Variants in CCDC3 observed in about 807,000 individuals in gnomAD.
CCDC3 encodes the protein coiled-coil domain containing 3.
CCDC3 carries 24 observed loss-of-function variants against 21.4 expected under a neutral mutation model. The observed-to-expected ratio is 1.12, with a 90% confidence interval of 0.81 to 1.58. The LOEUF (loss-of-function observed/expected upper bound fraction) is 1.58. Among genes scored for constraint, CCDC3 ranks in the 40% most tolerant of loss-of-function variants. The probability of loss-of-function intolerance (pLI) is 0.00; values close to 1 mark genes in which losing one functional copy is unlikely to be tolerated. For missense variants in CCDC3, 425 were observed against 360.9 expected (o/e 1.18, Z -1.44); for synonymous variants, 186 against 166.0 (o/e 1.12, Z -0.93).
chr10:13,089,304 ATTTC>A (rs1255483339), intron 3 of CCDC3, among the ~76,000 whole-genome samples: 3 of 143,804 alleles, frequency 2.1e-5, no homozygotes, highest in East Asian at 4.4e-4. Context: ...GTAAGTGAAC[ATTTC>A]TTTATGTTTA....
At chr10:12,903,050 G>T (rs902941035) in intron 2 of CCDC3, among the ~76,000 whole-genome samples, 5 of 152,186 alleles carry the variant, frequency 3.3e-5, no homozygotes, top group Non-Finnish European at 4.4e-5. Flanking sequence ...TATGGGTAGG[G>T]TTTCAGTAGG....
intron 3 of CCDC3, among the ~76,000 whole-genome samples, chr10:13,090,294 T>A (rs1203256419): frequency 3.9e-5 from 6 of 152,040 alleles, no homozygotes; most frequent in Admixed American, 6.5e-5. Flanking sequence ...TTTCACCATG[T>A]TGGCCAGATT....
In CCDC3 at chr10:12,931,722, G is replaced by C. The variant is rs948623868; in HGVS notation, c.550-33043C>G. ...TAATATTTTCTGCTTAAAATATGTA[G>C]ACTCATTACTGTTTTCTATAACAGA... On this transcript the variant is annotated intron_variant, in intron 2 of 2. Coordinates refer to ENST00000378825, the MANE Select transcript of CCDC3 (RefSeq NM_031455.4). 7.2e-5 allele frequency among the ~76,000 whole-genome samples: 11 copies of C among 152,270 alleles called. No homozygotes were observed. The East Asian group carries it at 1.2e-3, about 16-fold the overall frequency.
intron 5 of CCDC3, among the ~76,000 whole-genome samples, chr10:13,037,708 T>G (rs1836395303): frequency 6.6e-6 from 1 of 152,150 alleles, no homozygotes; most frequent in African/African-American, 2.4e-5. Context: ...ATGTCTATAA[T>G]CCCGGCACTT....
At chr10:12,949,435 G>A (rs1268793785) in intron 2 of CCDC3, among the ~76,000 whole-genome samples, 2 of 152,180 alleles carry the variant, frequency 1.3e-5, no homozygotes, top group Non-Finnish European at 2.9e-5. Flanking sequence ...TGGACCAGGA[G>A]TTGAACTTAG....
At chr10:12,985,666 G>T (rs1451140561) in intron 2 of CCDC3, among the ~76,000 whole-genome samples, 1 of 152,042 alleles carries the variant, frequency 6.6e-6, no homozygotes, top group African/African-American at 2.4e-5. Context: ...AATCTCCAAA[G>T]GCACATATAG....
intron 2 of CCDC3, among the ~76,000 whole-genome samples, chr10:12,924,284 G>A (rs941948711): frequency 1.2e-4 from 18 of 152,144 alleles, no homozygotes; most frequent in Admixed American, 8.5e-4. Flanking sequence ...GCCCTTTGCC[G>A]TACAGTGTGG....
intron 5 of CCDC3, among the ~76,000 whole-genome samples, chr10:13,028,362 G>A (rs1257471731): frequency 3.3e-5 from 5 of 152,136 alleles, no homozygotes; most frequent in Admixed American, 1.3e-4. Flanking sequence ...TGGGAACTGT[G>A]AGTCCATTAA....
chr10:13,020,151 G>C (rs1836126454), intron 5 of CCDC3, among the ~76,000 whole-genome samples: 1 of 152,170 alleles, frequency 6.6e-6, no homozygotes, highest in Non-Finnish European at 1.5e-5. Flanking sequence ...TCAGATAGAA[G>C]GGACATAAAA....
chr10:13,078,776 C>T (rs1836996790), intron 3 of CCDC3, among the ~76,000 whole-genome samples: 1 of 151,410 alleles, frequency 6.6e-6, no homozygotes, highest in Admixed American at 6.6e-5. Context: ...AACCAAACAC[C>T]ACATGTTCTC....
rs540708673 is a variant in CCDC3, at chr10:13,023,118, G to C, written c.-1-24606C>G. ...TTTTGCACAAAACAGCCCTTTTCAT[G>C]ATTGTACAGCAAAAGGAAAGTGTAA... On this transcript the variant is annotated intron_variant, in intron 5 of 6. Coordinates refer to the CCDC3 transcript ENST00000378839. Among the ~76,000 whole-genome samples, 15 of 151,714 alleles carry C rather than the reference G, an allele frequency of 9.9e-5. No homozygotes were observed. In the East Asian group the frequency reaches 1.9e-3, roughly 20 times the overall value.
chr10:12,924,126 C>T (rs2131219731), intron 2 of CCDC3, among the ~76,000 whole-genome samples: 1 of 152,322 alleles, frequency 6.6e-6, no homozygotes, highest in Non-Finnish European at 1.5e-5. Flanking sequence ...TTTATGCAAC[C>T]TTCTAAAGGA....
chr10:12,964,630 T>G (rs1447307934), intron 2 of CCDC3, among the ~76,000 whole-genome samples: 5 of 152,218 alleles, frequency 3.3e-5, no homozygotes. Context: ...TTTGCTTTCT[T>G]GCCTCATGTG....
intron 2 of CCDC3, among the ~76,000 whole-genome samples, chr10:12,939,021 A>G (rs867916330): frequency 2.6e-5 from 4 of 151,648 alleles, no homozygotes; most frequent in Non-Finnish European, 5.9e-5. Flanking sequence ...TATCTCTGAG[A>G]GGTTGGCTGC....
intron 5 of CCDC3, among the ~76,000 whole-genome samples, chr10:13,011,897 A>T (rs1010883557): frequency 6.6e-6 from 1 of 152,230 alleles, no homozygotes; most frequent in African/African-American, 2.4e-5. Context: ...AAAGGCACAC[A>T]CCTACAACCA....
chr10:13,013,870 C>G (rs559500482), intron 5 of CCDC3, among the ~76,000 whole-genome samples: 9 of 152,116 alleles, frequency 5.9e-5, no homozygotes, highest in Non-Finnish European at 1.0e-4. Flanking sequence ...AGACATGCAT[C>G]GCTGGGCATG....
rs534294507 is a variant in CCDC3 at position 13,065,563 on chromosome 10, G to A, written c.-270+8305C>T. The stretch of plus-strand genomic sequence containing the variant: ...GTATAGGCTTATGGATATTAAGAAC[G>A]TTCTTGCTTAATAATTACGATATGA... On this transcript the variant is annotated intron_variant, in intron 4 of 6. Transcript: ENST00000378839. Among the ~76,000 whole-genome samples the A allele has an allele frequency of 3.3e-5, 5 of 152,272 alleles. No homozygotes were observed. In the South Asian group the frequency reaches 1.0e-3, roughly 32 times the overall value.
chr10:12,969,384 C>CAGT (rs1835307472), intron 2 of CCDC3, among the ~76,000 whole-genome samples: 1 of 152,002 alleles, frequency 6.6e-6, no homozygotes, highest in African/African-American at 2.4e-5. Context: ...CTATAGAAAA[C>CAGT]AGTATGGAGT....
At chr10:13,059,409 C>A (rs1432733096) in intron 4 of CCDC3, among the ~76,000 whole-genome samples, 1 of 152,128 alleles carries the variant, frequency 6.6e-6, no homozygotes, top group Non-Finnish European at 1.5e-5. Context: ...TTTGTTACAG[C>A]AACAATATTG....
Sources: gnomAD v4.1 joint callset for allele counts (sites outside exome capture counted in the v4.1 genomes callset) on GRCh38, gnomAD v4.1.1 for gene constraint, MANE v1.5 for transcripts, NCBI Gene and HGNC (gene_info 2026-07-23, HGNC 2026-07-21) for gene names.